USP34: variants seen among roughly 807,000 people sequenced by gnomAD.
The protein encoded by USP34 is ubiquitin carboxyl-terminal hydrolase 34.
Under a neutral mutation model 460.3 loss-of-function variants are expected in USP34, and 70 were observed. The observed-to-expected ratio is 0.15, with a 90% CI of 0.13 to 0.19. The LOEUF is 0.19. USP34 is among the 10% of genes least tolerant of loss of function. The pLI, the probability that USP34 is intolerant of heterozygous loss-of-function variation, is 1.00. For synonymous variants in USP34, 1,647 were observed against 1,405.3 expected (o/e 1.17, Z -3.85); for missense variants, 3,985 against 4,236.2 (o/e 0.94, Z 1.65).
chr2:61,436,359 G>A (rs979378762), intron 1 of USP34, among the ~76,000 whole-genome samples: 11 of 152,238 alleles, frequency 7.2e-5, no homozygotes, highest in Admixed American at 2.0e-4. Context: ...GTGAAAGGAC[G>A]GGAAAAGACA....
At chr2:61,441,862 G>T (rs1213599870) in intron 1 of USP34, among the ~76,000 whole-genome samples, 1 of 139,520 alleles carries the variant, frequency 7.2e-6, no homozygotes, top group Admixed American at 7.0e-5. Flanking sequence ...AAAAAGAAAA[G>T]ACCTAAAAAT....
intron 75 of USP34, among the ~76,000 whole-genome samples, chr2:61,194,595 C>T (rs1221366476): frequency 6.6e-6 from 1 of 152,180 alleles, no homozygotes; most frequent in Non-Finnish European, 1.5e-5. Context: ...AACCGCTGTG[C>T]TCAAGTGATC....
chr2:61,275,001 G>A (rs1163230117), intron 41 of USP34, among the ~76,000 whole-genome samples: 1 of 152,170 alleles, frequency 6.6e-6, no homozygotes, highest in Non-Finnish European at 1.5e-5. Flanking sequence ...TCTGGGCCAG[G>A]CATGGTGGCT....
chr2:61,197,578 T>C (rs1171054439), intron 75 of USP34, among the ~76,000 whole-genome samples: 1 of 152,210 alleles, frequency 6.6e-6, no homozygotes, highest in Admixed American at 6.5e-5. Context: ...TGCCATCACC[T>C]GTACTATTGT....
At chr2:61,348,576 A>G in intron 14 of USP34, 96 bp from the exon 15 acceptor site, 1 of 1,481,286 alleles carries the variant, frequency 6.8e-7, no homozygotes, top group Non-Finnish European at 9.0e-7. Flanking sequence ...AAAGGCTGCC[A>G]GTCTTGTTAT....
At chr2:61,339,299 C>T (rs1371443117) in intron 18 of USP34, 52 bp downstream of exon 18, 4 of 1,561,800 alleles carry the variant, frequency 2.6e-6, no homozygotes, top group Admixed American at 1.9e-5. Context: ...AATGTCCCCC[C>T]ACACCCAAAT....
At chr2:61,344,585 T>A (rs1451956635) in intron 15 of USP34, among the ~76,000 whole-genome samples, 3 of 152,188 alleles carry the variant, frequency 2.0e-5, no homozygotes, top group Non-Finnish European at 2.9e-5. Flanking sequence ...GTAGTACCAT[T>A]AATACACAGA....
intron 76 of USP34, chr2:61,191,346 T>C (rs548031245): frequency 6.6e-6 from 1 of 152,138 alleles, no homozygotes; most frequent in Admixed American, 6.6e-5. Flanking sequence ...TAATAATTTA[T>C]ATGGAAAAAA....
chr2:61,421,565 A>C (rs1366227371), intron 1 of USP34, among the ~76,000 whole-genome samples: 1 of 152,222 alleles, frequency 6.6e-6, no homozygotes, highest in African/African-American at 2.4e-5. Context: ...ATTATTATGT[A>C]TGTACAAGAA....
chr2:61,417,332 C>T (rs886221659), intron 2 of USP34: 1 of 657,684 alleles, frequency 1.5e-6, no homozygotes. Flanking sequence ...CCATTGCACA[C>T]TGGACCCCCA....
At chr2:61,343,413 G>A (rs1691665074) in intron 16 of USP34, among the ~76,000 whole-genome samples, 2 of 151,864 alleles carry the variant, frequency 1.3e-5, no homozygotes, top group Non-Finnish European at 2.9e-5. Context: ...CTAACCTTCT[G>A]CCTGCAGATT....
intron 43 of USP34, among the ~76,000 whole-genome samples, chr2:61,261,928 C>T (rs1161087109): frequency 6.6e-6 from 1 of 151,344 alleles, no homozygotes; most frequent in Non-Finnish European, 1.5e-5. Context: ...GATGGTTAAA[C>T]CCTGTCTCTG....
chr2:61,265,839 CT>C, intron 42 of USP34, 144 bp downstream of exon 42: 1 of 868,258 alleles, frequency 1.2e-6, no homozygotes. Flanking sequence ...TCAATGTTTA[CT>C]TTTTAACTTT....
chr2:61,238,591 C>G (rs1047582231), intron 53 of USP34, among the ~76,000 whole-genome samples: 1 of 152,094 alleles, frequency 6.6e-6, no homozygotes, highest in Non-Finnish European at 1.5e-5. Context: ...TTTAAATGTA[C>G]AAATCTAAAA....
chr2:61,300,343 C>T (rs1690181403), intron 29 of USP34, among the ~76,000 whole-genome samples: 3 of 152,062 alleles, frequency 2.0e-5, no homozygotes, highest in South Asian at 4.2e-4. Flanking sequence ...CACACGGCAC[C>T]ATGCCCAGCT....
chr2:61,437,774 AAAATAAATAAATAAATAAAT>A (rs61610795), intron 1 of USP34, among the ~76,000 whole-genome samples: 4 of 134,540 alleles, frequency 3.0e-5, no homozygotes, highest in Non-Finnish European at 6.3e-5. Flanking sequence ...CTCCGTCTCA[AAAATAAATAAATAAATAAAT>A]AAATAAATAA....
At chr2:61,382,024 T>C (rs1441336609) in intron 6 of USP34, among the ~76,000 whole-genome samples, 4 of 152,182 alleles carry the variant, frequency 2.6e-5, no homozygotes, top group African/African-American at 7.2e-5. Context: ...ACCAGTATTA[T>C]TGATTTTATT....
At position 61,300,588 on chromosome 2, in the gene USP34, G is replaced by C. The variant is rs187711950; in HGVS notation, c.4128+363C>G. Reference sequence around the variant, plus strand: ...TGACATGGGTGGATCATGAGGTCAGGAGTTCAAGACCAGCCTGACCAACAC... The same window carrying C: ...TGACATGGGTGGATCATGAGGTCAGCAGTTCAAGACCAGCCTGACCAACAC... On this transcript the variant is annotated intron_variant, in intron 29 of 79. Transcript: ENST00000398571. Among the ~76,000 whole-genome samples the C allele has an allele frequency of 6.2e-3, 928 of 150,680 alleles. 6 individuals are homozygous for C. Among genetic ancestry groups the C allele is most frequent in the Middle Eastern group, 0.024 (7 of 294 alleles).
intron 68 of USP34, among the ~76,000 whole-genome samples, chr2:61,212,143 C>T (rs1294376142): frequency 2.0e-5 from 3 of 152,090 alleles, no homozygotes; most frequent in East Asian, 3.8e-4. Flanking sequence ...GAGGCAGAGG[C>T]GGGCAGATTG....
Sources: gnomAD v4.1 joint callset for allele counts (sites outside exome capture counted in the v4.1 genomes callset) on GRCh38, gnomAD v4.1.1 for gene constraint, MANE v1.5 for transcripts, NCBI Gene and HGNC (gene_info 2026-07-23, HGNC 2026-07-21) for gene names.